FCHSD2: variants seen among roughly 807,000 people sequenced by gnomAD.
FCHSD2 encodes F-BAR and double SH3 domains protein 2.
In FCHSD2, 38 loss-of-function variants were observed where a neutral mutation model predicts 108.1. That is an observed-to-expected ratio of 0.35 (90% CI 0.27 to 0.46). FCHSD2 has a LOEUF of 0.46. FCHSD2 is among the 20% of genes least tolerant of loss of function. The pLI is 1.00. For synonymous variants in FCHSD2, 279 were observed against 314.7 expected (o/e 0.89, Z 1.20); for missense variants, 751 against 897.8 (o/e 0.84, Z 2.09).
At chr11:72,846,054 AGAT>A (rs1861127134) in intron 14 of FCHSD2, among the ~76,000 whole-genome samples, 1 of 1,416 alleles carries the variant, frequency 7.1e-4, no homozygotes, top group Admixed American at 0.013. Context: ...ACAAATAAAT[AGAT>A]AGATAGATAG....
chr11:72,913,327 A>T (rs1855802091), intron 9 of FCHSD2, among the ~76,000 whole-genome samples: 1 of 152,140 alleles, frequency 6.6e-6, no homozygotes, highest in Non-Finnish European at 1.5e-5. Context: ...GAAGTGCAGC[A>T]GTGCAATCCT....
At chr11:73,074,212 G>A (rs540192638) in intron 3 of FCHSD2, among the ~76,000 whole-genome samples, 1 of 152,148 alleles carries the variant, frequency 6.6e-6, no homozygotes, top group African/African-American at 2.4e-5. Context: ...TGCAGTCAGG[G>A]GGAATAAACT....
chr11:73,000,937 A>C, intron 5 of FCHSD2, 53 bp downstream of exon 5: 1 of 1,465,068 alleles, frequency 6.8e-7, no homozygotes, highest in Non-Finnish European at 9.3e-7. Flanking sequence ...GCAGATTATA[A>C]ATGTAGCACT....
At chr11:73,071,367 G>C (rs1859431200) in intron 3 of FCHSD2, among the ~76,000 whole-genome samples, 1 of 151,896 alleles carries the variant, frequency 6.6e-6, no homozygotes, top group African/African-American at 2.4e-5. Context: ...TCATCTTTTG[G>C]ATGCACCTCA....
intron 2 of FCHSD2, among the ~76,000 whole-genome samples, chr11:73,133,677 T>C (rs1274008793): frequency 6.7e-6 from 1 of 149,746 alleles, no homozygotes; most frequent in African/African-American, 2.5e-5. Flanking sequence ...GCACCTATAA[T>C]CCCAGCTACT....
At chr11:72,966,731 A>G (rs1856914197) in intron 8 of FCHSD2, among the ~76,000 whole-genome samples, 1 of 152,202 alleles carries the variant, frequency 6.6e-6, no homozygotes, top group African/African-American at 2.4e-5. Flanking sequence ...CACTAAAGGT[A>G]GGAGGAAAAG....
At chr11:73,084,574 G>T (rs1258736140) in intron 2 of FCHSD2, among the ~76,000 whole-genome samples, 1 of 152,114 alleles carries the variant, frequency 6.6e-6, no homozygotes, top group Non-Finnish European at 1.5e-5. Context: ...AATACTTCTT[G>T]TAGAGATGGA....
intron 3 of FCHSD2, among the ~76,000 whole-genome samples, chr11:73,030,367 A>G (rs941454349): frequency 1.1e-4 from 16 of 152,208 alleles, no homozygotes; most frequent in African/African-American, 3.6e-4. Flanking sequence ...CTAAATAAAA[A>G]AAACAAAAGG....
At chr11:72,965,183 C>T (rs534683844) in intron 8 of FCHSD2, among the ~76,000 whole-genome samples, 1 of 152,276 alleles carries the variant, frequency 6.6e-6, no homozygotes, top group South Asian at 2.1e-4. Context: ...CATATAACTT[C>T]CTAGAATCCA....
chr11:73,082,615 A>G (rs1859722366), intron 3 of FCHSD2, among the ~76,000 whole-genome samples: 1 of 152,122 alleles, frequency 6.6e-6, no homozygotes, highest in South Asian at 2.1e-4. Flanking sequence ...GTCATGCCCC[A>G]ATCTCTCATT....
chr11:73,042,344 T>G (rs1177841550), intron 3 of FCHSD2, among the ~76,000 whole-genome samples: 1 of 152,220 alleles, frequency 6.6e-6, no homozygotes, highest in Non-Finnish European at 1.5e-5. Flanking sequence ...TATTGGCACC[T>G]TTGTCAAAAA....
At chr11:73,004,906 A>AG (rs1474061292) in intron 4 of FCHSD2, among the ~76,000 whole-genome samples, 7 of 152,184 alleles carry the variant, frequency 4.6e-5, no homozygotes, top group Non-Finnish European at 1.5e-5. Flanking sequence ...TTCAGCCAAC[A>AG]GTGGCACTAT....
At chr11:73,073,417 C>T (rs1029292863) in intron 3 of FCHSD2, among the ~76,000 whole-genome samples, 2 of 152,234 alleles carry the variant, frequency 1.3e-5, no homozygotes, top group Non-Finnish European at 2.9e-5. Context: ...TTGAATTCCT[C>T]CAATTATATA....
At chr11:72,849,998 ACT>A (rs1591339272) in intron 13 of FCHSD2, 109 bp from the exon 14 acceptor site, 1 of 766,842 alleles carries the variant, frequency 1.3e-6, no homozygotes, top group South Asian at 1.8e-5. Context: ...TTGCCTTTTA[ACT>A]CTGCATAGAA....
chr11:72,940,107 G>A (rs1277392146), intron 8 of FCHSD2, among the ~76,000 whole-genome samples: 7 of 152,144 alleles, frequency 4.6e-5, no homozygotes, highest in Non-Finnish European at 1.0e-4. Flanking sequence ...GTGACTCTCA[G>A]GTCTAATTCC....
At chr11:73,001,826 C>A (rs1204484019) in intron 4 of FCHSD2, among the ~76,000 whole-genome samples, 2 of 152,160 alleles carry the variant, frequency 1.3e-5, no homozygotes, top group African/African-American at 4.8e-5. Flanking sequence ...GTGCCATCAC[C>A]TTTGCTTGAT....
intron 3 of FCHSD2, among the ~76,000 whole-genome samples, chr11:73,083,177 A>G (rs996107680): frequency 1.3e-5 from 2 of 152,230 alleles, no homozygotes; most frequent in African/African-American, 2.4e-5. Flanking sequence ...AAATATAGTA[A>G]ATAATGTCTC....
At chr11:72,942,062 G>A (rs556018354) in intron 8 of FCHSD2, among the ~76,000 whole-genome samples, 30 of 152,284 alleles carry the variant, frequency 2.0e-4, no homozygotes, top group Non-Finnish European at 4.1e-4. Flanking sequence ...ATCTCATGTC[G>A]AAATGTGATC....
intron 10 of FCHSD2, among the ~76,000 whole-genome samples, chr11:72,892,850 C>A (rs192603746): frequency 2.0e-3 from 311 of 151,948 alleles, no homozygotes; most frequent in Non-Finnish European, 3.7e-3. Flanking sequence ...GTGATCCACC[C>A]GCCTCGGCCT....
Sources: gnomAD v4.1 joint callset for allele counts (sites outside exome capture counted in the v4.1 genomes callset) on GRCh38, gnomAD v4.1.1 for gene constraint, MANE v1.5 for transcripts, NCBI Gene and HGNC (gene_info 2026-07-23, HGNC 2026-07-21) for gene names.